Variants in OGT observed in about 807,000 individuals in gnomAD.
OGT encodes the protein UDP-N-acetylglucosamine--peptide N-acetylglucosaminyltransferase 110 kDa subunit.
OGT carries 3 observed loss-of-function variants against 75.8 expected under a neutral mutation model. That is an observed-to-expected ratio of 0.04 (90% CI 0.02 to 0.10). The LOEUF is 0.10. Ranked by LOEUF, OGT falls within the 10% of genes least tolerant of loss-of-function variation. The pLI is 1.00. For synonymous variants in OGT, 257 were observed against 289.7 expected, an observed-to-expected ratio of 0.89 and a Z score of 1.15; for missense variants, 260 against 824.4, an observed-to-expected ratio of 0.32 and a Z score of 8.38.
intron 21 of OGT, among the ~76,000 whole-genome samples, chrX:71,570,037 T>G (rs1482927875): frequency 1.8e-4 from 4 of 22,005 alleles, no homozygotes; most frequent in Admixed American, 4.1e-4. Flanking sequence ...CCTGGCGTTT[T>G]TTTTTTTTTT....
Position 71,562,911 on chromosome X carries a change from A to G in OGT, c.2042A>G (p.Gln681Arg). 2 of 1,209,709 alleles carry G rather than the reference A, an allele frequency of 1.7e-6. No individual in the cohort carries two copies. Among genetic ancestry groups the G allele is most frequent in the Non-Finnish European group, 2.2e-6 (2 of 893,869 alleles). Residue 681 changes from glutamine (Q) to arginine (R), a missense_variant, in exon 16 of 22, where the codon CAG becomes CGG. Transcript: ENST00000373719. ...TTCATGGATTATATTATCACTGATC[A>G]GGAAACTTCGCCAGCTGAAGTTGCT... ...ALFMDYIITD[Q>R]ETSPAEVAEQ...
intron 2 of OGT, 187 bp downstream of exon 2, chrX:71,536,545 G>A (rs960057608): frequency 5.1e-5 from 18 of 349,770 alleles, no homozygotes; most frequent in Admixed American, 1.7e-4. Context: ...CTTTTGTGGT[G>A]GTGGTTATAT....
intron 21 of OGT, among the ~76,000 whole-genome samples, chrX:71,569,381 G>A (rs2040438598): frequency 8.9e-6 from 1 of 112,018 alleles, no homozygotes; most frequent in Non-Finnish European, 1.9e-5. Flanking sequence ...CACTACGGTC[G>A]GTGTAAGAAA....
chrX:71,551,496 G>T (rs921231526), intron 5 of OGT, among the ~76,000 whole-genome samples: 2 of 111,752 alleles, frequency 1.8e-5, no homozygotes, highest in Admixed American at 1.9e-4. Flanking sequence ...GCCAGGCATG[G>T]TAGCAGGAGC....
chrX:71,567,474 AATT>A, intron 19 of OGT, 23 bp from the exon 20 acceptor site: 1 of 1,107,361 alleles, frequency 9.0e-7, no homozygotes, highest in Admixed American at 2.8e-5. Context: ...TGCTATTAAT[AATT>A]ATTCTTATTT....
intron 6 of OGT, 56 bp from the exon 7 acceptor site, chrX:71,555,134 T>TTGTG (rs376605851): frequency 0.11 from 57,332 of 504,735 alleles, 2,805 homozygotes; most frequent in African/African-American, 0.36. Flanking sequence ...GAGTTACATT[T>TTGTG]TGTGTGTGTG....
intron 5 of OGT, among the ~76,000 whole-genome samples, chrX:71,553,918 TG>T (rs1420025222): frequency 1.8e-5 from 2 of 112,104 alleles, no homozygotes; most frequent in African/African-American, 6.5e-5. Flanking sequence ...CTGATTTAAC[TG>T]GCCTGTGATA....
intron 4 of OGT, 99 bp from the exon 5 acceptor site, chrX:71,547,808 T>TTCC: frequency 2.8e-6 from 3 of 1,068,199 alleles, no homozygotes; most frequent in South Asian, 2.2e-5. Flanking sequence ...ATCACCTTCT[T>TTCC]CCCCCCCTCC....
chrX:71,548,518 A>G (rs2040278063), intron 5 of OGT, among the ~76,000 whole-genome samples: 2 of 112,122 alleles, frequency 1.8e-5, no homozygotes, highest in Admixed American at 1.9e-4. Flanking sequence ...CATGGAATCA[A>G]CCTAGATGCC....
At chrX:71,567,436 T>C in intron 19 of OGT, 64 bp from the exon 20 acceptor site, 1 of 972,163 alleles carries the variant, frequency 1.0e-6, no homozygotes, top group Non-Finnish European at 1.4e-6. Flanking sequence ...TAGAGACCTC[T>C]GGGAGTCTTT....
chrX:71,541,786 A>G (rs1329384044), intron 3 of OGT, among the ~76,000 whole-genome samples: 2 of 108,907 alleles, frequency 1.8e-5, no homozygotes, highest in African/African-American at 6.7e-5. Flanking sequence ...TTTACTTCAT[A>G]TGTATGTACG....
chrX:71,559,139 A>G (rs1286259075), intron 12 of OGT, 128 bp from the exon 13 acceptor site: 2 of 545,852 alleles, frequency 3.7e-6, no homozygotes, highest in African/African-American at 2.3e-5. Context: ...CTCTGGCAAT[A>G]TTAACTAAAT....
In OGT at chrX:71,555,398, A is replaced by C. The variant is rs1227164570; in HGVS notation, c.924+13A>C. On this transcript the variant is annotated intron_variant, in intron 7 of 21. Transcript: ENST00000373719. ...AGAGAAGGGCAGTGTAAGGATTTTTACTCATTCTATTTGTTATCTGGTAGG... is the reference window on the plus strand; with the variant it reads ...AGAGAAGGGCAGTGTAAGGATTTTTCCTCATTCTATTTGTTATCTGGTAGG... 1 of 1,192,462 alleles carries C rather than the reference A, an allele frequency of 8.4e-7. No individual in the cohort carries two copies. The highest frequency in any genetic ancestry group is 1.7e-5 in the African/African-American group (1 of 57,274).
At chrX:71,555,134 TTGTGTGTGTG>T (rs376605851) in intron 6 of OGT, 46 bp from the exon 7 acceptor site, 883 of 531,226 alleles carry the variant, frequency 1.7e-3, no homozygotes, top group Admixed American at 0.014. Flanking sequence ...GAGTTACATT[TTGTGTGTGTG>T]TGTGTGTGTG....
In OGT at chrX:71,556,787, G is replaced by A. The variant is rs141143376; in HGVS notation, c.1166+7G>A. The stretch of plus-strand genomic sequence containing the variant: ...ATTATAAGGAGGCTATTCGGTAAGA[G>A]ACACTAACAGCCTTATTTTTAAAAT... On this transcript the variant is annotated splice_region_variant and intron_variant, in intron 9 of 21. Transcript: ENST00000373719. The A allele has an allele frequency of 1.4e-5, 15 of 1,105,083 alleles. No individual in the cohort carries two copies. Among genetic ancestry groups the A allele is most frequent in the Admixed American group, 2.5e-5 (1 of 39,557 alleles). 91.1% of individuals were successfully genotyped at this position (1,105,083 alleles called of 1,213,427 possible).
intron 2 of OGT, chrX:71,537,027 G>C (rs899875717): frequency 1.7e-5 from 3 of 176,332 alleles, no homozygotes; most frequent in African/African-American, 7.2e-5. Context: ...GGAGTGCAGC[G>C]GCGCCATCTC....
At position 71,557,189 on chromosome X, in the gene OGT, T is replaced by C. The variant is rs747332089; in HGVS notation, c.1321-6T>C. The C allele has an allele frequency of 1.7e-5, 21 of 1,204,069 alleles. No individual in the cohort carries two copies. The highest frequency in any genetic ancestry group is 2.4e-5 in the Non-Finnish European group (21 of 890,839). On this transcript the variant is annotated splice_region_variant and splice_polypyrimidine_tract_variant and intron_variant, in intron 10 of 21. Transcript: ENST00000373719. ...TTTTTACCATCCTGCTTTATTTATT[T>C]TCCAGGATTCAGGGAATATTCCAGA...
At chrX:71,542,498 A>G (rs1462840526) in intron 3 of OGT, among the ~76,000 whole-genome samples, 1 of 112,347 alleles carries the variant, frequency 8.9e-6, no homozygotes, top group Non-Finnish European at 1.9e-5. Flanking sequence ...ATGGATCTAG[A>G]TGATAACAAA....
intron 21 of OGT, among the ~76,000 whole-genome samples, chrX:71,569,371 C>T (rs187326920): frequency 2.5e-3 from 277 of 112,235 alleles, no homozygotes; most frequent in Non-Finnish European, 4.2e-3. Context: ...GTCACTTCTT[C>T]ACTACGGTCG....
Sources: allele counts gnomAD v4.1 joint callset (sites outside exome capture counted in the v4.1 genomes callset), GRCh38; gene constraint gnomAD v4.1.1; transcripts MANE v1.5; gene names NCBI Gene and HGNC (gene_info 2026-07-23, HGNC 2026-07-21).